The following ANKS1B variants were observed in gnomAD, a reference collection of about 807,000 sequenced individuals.
ANKS1B encodes ankyrin repeat and sterile alpha motif domain-containing protein 1B.
Under a neutral mutation model 148.3 loss-of-function variants are expected in ANKS1B, and 36 were observed. That is an observed-to-expected ratio of 0.24 (90% CI 0.19 to 0.32). The LOEUF is 0.32. Ranked by LOEUF, ANKS1B falls within the 10% of genes least tolerant of loss-of-function variation. The pLI, the probability that ANKS1B is intolerant of heterozygous loss-of-function variation, is 1.00. For missense variants in ANKS1B, 1,157 were observed against 1,542.6 expected (o/e 0.75, Z 4.19); for synonymous variants, 542 against 560.8 (o/e 0.97, Z 0.47).
At chr12:99,892,444 G>A (rs2093163653) in intron 1 of ANKS1B, among the ~76,000 whole-genome samples, 1 of 152,138 alleles carries the variant, frequency 6.6e-6, no homozygotes, top group African/African-American at 2.4e-5. Flanking sequence ...TGGGAATGAA[G>A]ACAACAGCAA....
intron 10 of ANKS1B, among the ~76,000 whole-genome samples, chr12:99,480,086 G>A (rs1274978314): frequency 6.6e-6 from 1 of 151,676 alleles, no homozygotes; most frequent in African/African-American, 2.4e-5. Flanking sequence ...CTAGGACATA[G>A]AGTATACCCT....
At chr12:99,892,491 T>C (rs1045562853) in intron 1 of ANKS1B, among the ~76,000 whole-genome samples, 1 of 152,088 alleles carries the variant, frequency 6.6e-6, no homozygotes, top group East Asian at 1.9e-4. Flanking sequence ...TGGATGAACA[T>C]GAACCAACTT....
At chr12:99,849,868 T>C (rs1379956287) in intron 1 of ANKS1B, among the ~76,000 whole-genome samples, 1 of 152,124 alleles carries the variant, frequency 6.6e-6, no homozygotes, top group African/African-American at 2.4e-5. Context: ...AGCAATATTC[T>C]ATTTCTTAAT....
intron 17 of ANKS1B, among the ~76,000 whole-genome samples, chr12:98,964,413 A>T (rs1034480969): frequency 1.3e-5 from 2 of 152,210 alleles, no homozygotes; most frequent in Non-Finnish European, 2.9e-5. Context: ...ATTAAAATGG[A>T]ACTATCATGT....
chr12:99,597,504 T>C (rs2097768167), intron 9 of ANKS1B, among the ~76,000 whole-genome samples: 1 of 152,070 alleles, frequency 6.6e-6, no homozygotes, highest in African/African-American at 2.4e-5. Flanking sequence ...CTCAACTAAG[T>C]ACTTCATTTT....
intron 17 of ANKS1B, among the ~76,000 whole-genome samples, chr12:98,862,375 T>C (rs2099603587): frequency 6.6e-6 from 1 of 152,162 alleles, no homozygotes; most frequent in Non-Finnish European, 1.5e-5. Context: ...CTCAAAGGGT[T>C]GTTTGTGTGA....
intron 9 of ANKS1B, among the ~76,000 whole-genome samples, chr12:99,588,856 A>G (rs1292661575): frequency 1.3e-5 from 2 of 152,208 alleles, no homozygotes; most frequent in Non-Finnish European, 2.9e-5. Context: ...TTTAACAGAG[A>G]TCATATTTTA....
intron 10 of ANKS1B, among the ~76,000 whole-genome samples, chr12:99,463,472 C>T (rs573612162): frequency 2.6e-5 from 4 of 152,278 alleles, no homozygotes; most frequent in African/African-American, 4.8e-5. Flanking sequence ...GTGCGCGAGC[C>T]GAAGCAGGGC....
chr12:98,994,121 G>A (rs951468872), intron 17 of ANKS1B, among the ~76,000 whole-genome samples: 8 of 152,048 alleles, frequency 5.3e-5, no homozygotes, highest in East Asian at 1.9e-4. Flanking sequence ...TTCCCACAGC[G>A]TCGTATGATA....
chr12:99,582,619 A>C (rs1240792779), intron 9 of ANKS1B, among the ~76,000 whole-genome samples: 3 of 152,202 alleles, frequency 2.0e-5, no homozygotes, highest in African/African-American at 7.2e-5. Context: ...TTAGTATGTA[A>C]ATGAAGACAA....
chr12:99,794,460 T>TACACAC (rs148663206), intron 4 of ANKS1B, among the ~76,000 whole-genome samples: 1,918 of 143,622 alleles, frequency 0.013, 33 homozygotes, highest in African/African-American at 0.035. Flanking sequence ...GAAAATGTGG[T>TACACAC]ACACACACAC....
chr12:99,963,893 T>G (rs926040828), intron 1 of ANKS1B, among the ~76,000 whole-genome samples: 3 of 152,222 alleles, frequency 2.0e-5, no homozygotes, highest in Non-Finnish European at 4.4e-5. Flanking sequence ...CTTGCTGGAA[T>G]CCTTATCTCT....
At position 99,411,027 on chromosome 12, in the gene ANKS1B, T is replaced by G. The variant is rs570689589; in HGVS notation, c.1576-11216A>C. 3.3e-5 allele frequency among the ~76,000 whole-genome samples: 5 copies of G among 152,356 alleles called. No homozygotes were observed. The East Asian group carries it at 9.7e-4, about 29-fold the overall frequency. ...TGGTCTCACTACTGCATCAGCAGTTTCTGGGCAGGCCAGGGGCACCTGGGT... is the reference window on the plus strand; with the variant it reads ...TGGTCTCACTACTGCATCAGCAGTTGCTGGGCAGGCCAGGGGCACCTGGGT... On this transcript the variant is annotated intron_variant, in intron 11 of 26. Transcript: ENST00000683438.
chr12:98,742,162 G>A (rs764042047), downstream of ANKS1B, among the ~76,000 whole-genome samples: 41 of 152,290 alleles, frequency 2.7e-4, no homozygotes, highest in Middle Eastern at 0.01. Context: ...TGATACCCGC[G>A]CTCCTCCACT....
intron 10 of ANKS1B, among the ~76,000 whole-genome samples, chr12:99,445,629 C>G (rs1003758700): frequency 6.6e-6 from 1 of 151,952 alleles, no homozygotes; most frequent in South Asian, 2.1e-4. Context: ...AATTTCTGCT[C>G]AATTTTGCTG....
At chr12:99,640,343 G>C (rs563191033) in intron 9 of ANKS1B, among the ~76,000 whole-genome samples, 1 of 152,190 alleles carries the variant, frequency 6.6e-6, no homozygotes, top group Admixed American at 6.5e-5. Context: ...TGTTGCTATG[G>C]TTTGAGTGTC....
At chr12:98,791,076 G>A (rs2098844708) in intron 22 of ANKS1B, among the ~76,000 whole-genome samples, 1 of 152,224 alleles carries the variant, frequency 6.6e-6, no homozygotes, top group African/African-American at 2.4e-5. Flanking sequence ...GCTGGGCGTG[G>A]TGGCTCACGC....
In ANKS1B at chr12:99,806,600, T is replaced by C; in HGVS notation, c.473A>G (p.Asn158Ser). Residue 158 changes from asparagine to serine, a missense_variant, in exon 4 of 27, where the codon AAT (asparagine) becomes AGT (serine). Asn to Ser is a conservative substitution (Grantham distance 46). Transcript: ENST00000683438. The part of the protein sequence containing the change: ...LEELTDPTIR[N>S]SKLETPLDLA... ...GTCCAAAGGTGTTTCCAGCTTGCTA[T>C]TTCTAATTGTCGGGTCAGTGAGCTC... The C allele has an allele frequency of 6.2e-7, 1 of 1,613,974 alleles. No homozygotes were observed. The highest frequency in any genetic ancestry group is 8.5e-7 in the Non-Finnish European group (1 of 1,179,864).
At chr12:99,102,111 C>T (rs554332302) in intron 15 of ANKS1B, among the ~76,000 whole-genome samples, 6 of 152,010 alleles carry the variant, frequency 3.9e-5, no homozygotes, top group African/African-American at 1.2e-4. Context: ...GAGAGTGTGT[C>T]GTGTCAGATG....
Sources: gnomAD v4.1 joint callset for allele counts (sites outside exome capture counted in the v4.1 genomes callset) on GRCh38, gnomAD v4.1.1 for gene constraint, MANE v1.5 for transcripts, NCBI Gene and HGNC (gene_info 2026-07-23, HGNC 2026-07-21) for gene names.